Variants in DCAF6 observed in about 807,000 individuals in gnomAD.
DCAF6 encodes the protein DDB1 and CUL4 associated factor 6.
In DCAF6, 54 loss-of-function variants were observed where a neutral mutation model predicts 125.1. The observed-to-expected ratio is 0.43, with a 90% CI of 0.35 to 0.54. DCAF6 has a LOEUF of 0.54. Among genes scored for constraint, DCAF6 ranks in the 20% least tolerant of loss-of-function variants. The probability of loss-of-function intolerance (pLI) is 0.01; values close to 1 mark genes in which losing one functional copy is unlikely to be tolerated. For synonymous variants in DCAF6, 371 were observed against 390.4 expected (o/e 0.95, Z 0.58); for missense variants, 934 against 1,161.7 (o/e 0.80, Z 2.85).
intron 16 of DCAF6, among the ~76,000 whole-genome samples, chr1:168,049,452 T>TTA (rs71299099): frequency 9.6e-5 from 14 of 146,296 alleles, no homozygotes; most frequent in Non-Finnish European, 1.8e-4. Context: ...TTTTTTTTTT[T>TTA]AGAAGAGACA....
At chr1:168,027,889 C>T (rs555958382) in intron 12 of DCAF6, among the ~76,000 whole-genome samples, 1 of 152,124 alleles carries the variant, frequency 6.6e-6, no homozygotes, top group South Asian at 2.1e-4. Flanking sequence ...AATGCAGCTC[C>T]CTGGTTGTCT....
At chr1:168,023,466 G>A (rs1685924895) in intron 12 of DCAF6, 1 of 171,386 alleles carries the variant, frequency 5.8e-6, no homozygotes, top group Admixed American at 5.6e-5. Flanking sequence ...ATGATACTTG[G>A]TTTTATGTCT....
At chr1:168,056,094 C>T (rs1356335476) in intron 17 of DCAF6, 3 of 1,595,974 alleles carry the variant, frequency 1.9e-6, no homozygotes, top group African/African-American at 2.8e-5. Flanking sequence ...ATAGAGTTCA[C>T]TAGCAGCTTT....
intron 17 of DCAF6, among the ~76,000 whole-genome samples, chr1:168,054,364 C>CA (rs1486103846): frequency 1.3e-5 from 2 of 152,146 alleles, no homozygotes; most frequent in African/African-American, 4.8e-5. Flanking sequence ...TCTTCCTCTT[C>CA]TTATAAAGCC....
intron 12 of DCAF6, among the ~76,000 whole-genome samples, chr1:168,033,972 A>C (rs1302129453): frequency 6.6e-6 from 1 of 152,248 alleles, no homozygotes; most frequent in Non-Finnish European, 1.5e-5. Context: ...GAAATAGTTC[A>C]GTCTCTTAAG....
intron 4 of DCAF6, among the ~76,000 whole-genome samples, chr1:167,986,511 G>A (rs1173153513): frequency 2.0e-5 from 3 of 152,170 alleles, no homozygotes; most frequent in African/African-American, 4.8e-5. Context: ...ACCATGTATA[G>A]CAGAGGCACC....
the DCAF6 span, among the ~76,000 whole-genome samples, chr1:167,864,865 A>C: frequency 4.6e-5 from 7 of 150,876 alleles, no homozygotes; most frequent in East Asian, 1.2e-3. Context: ...AGATGCATTC[A>C]ATCTGTAGCA....
intron 19 of DCAF6, among the ~76,000 whole-genome samples, chr1:168,066,104 C>T (rs1692294114): frequency 6.6e-6 from 1 of 152,162 alleles, no homozygotes; most frequent in Admixed American, 6.6e-5. Flanking sequence ...CATTGCTCGT[C>T]TTCTTTTTGA....
chr1:167,947,932 T>C (rs1343224158), intron 1 of DCAF6, among the ~76,000 whole-genome samples: 2 of 152,218 alleles, frequency 1.3e-5, no homozygotes, highest in East Asian at 3.8e-4. Flanking sequence ...GCTGATTCTT[T>C]GTCTAGATGA....
intron 21 of DCAF6, among the ~76,000 whole-genome samples, chr1:168,070,689 A>G (rs1280537437): frequency 6.6e-6 from 1 of 152,218 alleles, no homozygotes; most frequent in Admixed American, 6.5e-5. Flanking sequence ...TGAATAATGC[A>G]CTAAAGACTG....
At chr1:168,020,646 G>A (rs1202659813) in intron 11 of DCAF6, among the ~76,000 whole-genome samples, 1 of 152,104 alleles carries the variant, frequency 6.6e-6, no homozygotes, top group Non-Finnish European at 1.5e-5. Context: ...TTCTCTAGAA[G>A]GTATTTCCCA....
chr1:167,866,195 G>A, the DCAF6 span, among the ~76,000 whole-genome samples: 20 of 152,146 alleles, frequency 1.3e-4, no homozygotes, highest in African/African-American at 4.8e-4. Context: ...AGTCCAGTTG[G>A]CTATCCCTTT....
chr1:167,935,811 C>G (rs761366753), upstream of DCAF6: 9 of 1,556,080 alleles, frequency 5.8e-6, no homozygotes, highest in South Asian at 7.1e-5. Flanking sequence ...TGGTAGGTGG[C>G]CCGCAGGCCT....
the DCAF6 span, among the ~76,000 whole-genome samples, chr1:167,916,043 A>C: frequency 7.0e-6 from 1 of 143,722 alleles, no homozygotes; most frequent in South Asian, 2.1e-4. Context: ...CAACTCAACT[A>C]TACTAATCGA....
chr1:167,891,342 C>G, the DCAF6 span, among the ~76,000 whole-genome samples: 1 of 151,938 alleles, frequency 6.6e-6, no homozygotes, highest in African/African-American at 2.4e-5. Context: ...CTCTCCAACA[C>G]AACAGGCACA....
chr1:168,071,966 C>T (rs1377888406), intron 21 of DCAF6, among the ~76,000 whole-genome samples: 1 of 152,124 alleles, frequency 6.6e-6, no homozygotes, highest in Non-Finnish European at 1.5e-5. Flanking sequence ...CAGGACTTCA[C>T]ATACAATTGA....
At chr1:168,008,608 T>C (rs1683695825) in intron 10 of DCAF6, among the ~76,000 whole-genome samples, 1 of 152,086 alleles carries the variant, frequency 6.6e-6, no homozygotes, top group Non-Finnish European at 1.5e-5. Flanking sequence ...AACTTTGCTG[T>C]TTAAATCCCT....
chr1:168,053,041 C>T (rs1266428443), intron 17 of DCAF6, among the ~76,000 whole-genome samples: 1 of 152,144 alleles, frequency 6.6e-6, no homozygotes, highest in African/African-American at 2.4e-5. Flanking sequence ...ATACATTATG[C>T]TGCCTTAAGT....
At chr1:168,024,822 A>AAT (rs1396280018) in intron 12 of DCAF6, among the ~76,000 whole-genome samples, 2 of 151,068 alleles carry the variant, frequency 1.3e-5, no homozygotes, top group African/African-American at 4.9e-5. Flanking sequence ...AAAAAAAAAA[A>AAT]GATTATTCCT....
Sources: allele counts gnomAD v4.1 joint callset (sites outside exome capture counted in the v4.1 genomes callset), GRCh38; gene constraint gnomAD v4.1.1; transcripts MANE v1.5; gene names NCBI Gene and HGNC (gene_info 2026-07-23, HGNC 2026-07-21).